Variants in TEK observed in about 807,000 individuals in gnomAD.
TEK encodes angiopoietin-1 receptor.
Under a neutral mutation model 131.8 loss-of-function variants are expected in TEK, and 43 were observed. The ratio of observed to expected loss-of-function variants is 0.33; its 90% CI spans 0.26 to 0.42. The LOEUF is 0.42. Ranked by LOEUF, TEK falls within the 10% of genes least tolerant of loss-of-function variation. The pLI is 1.00. For missense variants in TEK, 1,162 were observed against 1,384.4 expected (o/e 0.84, Z 2.55); for synonymous variants, 580 against 491.6 (o/e 1.18, Z -2.38).
intron 1 of TEK, among the ~76,000 whole-genome samples, chr9:27,130,005 A>G (rs985818167): frequency 6.6e-6 from 1 of 152,250 alleles, no homozygotes. Context: ...ATTGCCTTCT[A>G]ATAACTCTTA....
rs569473644 is a variant in TEK, at chr9:27,115,488, G to C, written c.52+5846G>C. On this transcript the variant is annotated intron_variant, in intron 1 of 22. Transcript: ENST00000380036. ...CCCTCCAGCCTAGGCAACAGAGCGA[G>C]ACATTGTCTCAAAAAAAACAACAAA... 2.4e-4 allele frequency among the ~76,000 whole-genome samples: 36 copies of C among 151,784 alleles called. 1 individual carries two copies. In the East Asian group the frequency reaches 6.6e-3, roughly 28 times the overall value.
chr9:27,171,913 G>C (rs1167367644), intron 4 of TEK, among the ~76,000 whole-genome samples: 1 of 152,112 alleles, frequency 6.6e-6, no homozygotes, highest in Non-Finnish European at 1.5e-5. Flanking sequence ...AGTTTCTCTG[G>C]AGTCTGATAT....
intron 12 of TEK, among the ~76,000 whole-genome samples, chr9:27,202,290 G>A (rs1442982796): frequency 1.3e-5 from 2 of 152,070 alleles, no homozygotes. Context: ...TAAATTGAGG[G>A]CAAGGACTGA....
At chr9:27,227,426 T>C (rs1001224437) in intron 21 of TEK, among the ~76,000 whole-genome samples, 6 of 152,204 alleles carry the variant, frequency 3.9e-5, no homozygotes, top group Admixed American at 2.0e-4. Context: ...CCTGTTGTCT[T>C]AGTCATTTCC....
At chr9:27,174,041 T>A (rs886935473) in intron 6 of TEK, among the ~76,000 whole-genome samples, 3 of 152,168 alleles carry the variant, frequency 2.0e-5, no homozygotes, top group Non-Finnish European at 4.4e-5. Flanking sequence ...CAAGTAGTAC[T>A]AACATCATCT....
intron 9 of TEK, 75 bp downstream of exon 9, chr9:27,185,704 A>G: frequency 6.3e-7 from 1 of 1,584,204 alleles, no homozygotes; most frequent in East Asian, 2.3e-5. Flanking sequence ...CTAGACAGAA[A>G]TGTATGCGAC....
At chr9:27,171,918 T>G (rs1426110623) in intron 4 of TEK, among the ~76,000 whole-genome samples, 1 of 152,162 alleles carries the variant, frequency 6.6e-6, no homozygotes, top group African/African-American at 2.4e-5. Flanking sequence ...CTCTGGAGTC[T>G]GATATAACAC....
intron 16 of TEK, among the ~76,000 whole-genome samples, chr9:27,211,175 ATATATATATGAATATATG>A (rs919791165): frequency 2.3e-5 from 2 of 88,698 alleles, no homozygotes; most frequent in Non-Finnish European, 5.4e-5. Context: ...GTATGTGTAT[ATATATATATGAATATATG>A]TATATATATG....
At chr9:27,147,959 A>G (rs1822986347) in intron 1 of TEK, among the ~76,000 whole-genome samples, 1 of 152,224 alleles carries the variant, frequency 6.6e-6, no homozygotes, top group African/African-American at 2.4e-5. Context: ...CTGTGTAACA[A>G]TCACCAAGTA....
At chr9:27,167,728 T>C (rs1196822337) in intron 2 of TEK, among the ~76,000 whole-genome samples, 1 of 152,194 alleles carries the variant, frequency 6.6e-6, no homozygotes, top group Non-Finnish European at 1.5e-5. Flanking sequence ...GCTCATTTTA[T>C]TTGAGCAACG....
intron 9 of TEK, among the ~76,000 whole-genome samples, chr9:27,189,949 C>T (rs912505861): frequency 6.6e-5 from 10 of 152,028 alleles, no homozygotes; most frequent in Non-Finnish European, 1.5e-4. Context: ...GAGTAATAAC[C>T]CCTAAAAATC....
intron 12 of TEK, chr9:27,198,393 T>G (rs887471553): frequency 2.0e-5 from 3 of 152,162 alleles, no homozygotes; most frequent in Admixed American, 1.3e-4. Flanking sequence ...CCTCCCAGAG[T>G]CTGAGGCTGT....
At chr9:27,153,280 CTACTAAAAA>C (rs1823199759) in intron 1 of TEK, among the ~76,000 whole-genome samples, 1 of 148,850 alleles carries the variant, frequency 6.7e-6, no homozygotes, top group Non-Finnish European at 1.5e-5. Flanking sequence ...AACCCCGCCT[CTACTAAAAA>C]TAGAAAAAAA....
chr9:27,145,841 A>T (rs780060943), intron 1 of TEK, among the ~76,000 whole-genome samples: 1 of 152,238 alleles, frequency 6.6e-6, no homozygotes, highest in Non-Finnish European at 1.5e-5. Flanking sequence ...AATTAGAACA[A>T]TGTCATTAGA....
chr9:27,137,932 G>C (rs1014950162), intron 1 of TEK, among the ~76,000 whole-genome samples: 2 of 152,178 alleles, frequency 1.3e-5, no homozygotes, highest in Non-Finnish European at 2.9e-5. Flanking sequence ...GGTGTGTCCA[G>C]AGTTTGTTCC....
chr9:27,205,155 TATAAA>T lies in TEK; in HGVS notation c.2364+91_2364+95del. The T allele has an allele frequency of 5.9e-6, 9 of 1,516,638 alleles. No individual in the cohort carries two copies. In the South Asian group the frequency reaches 1.0e-4, roughly 17 times the overall value. The allele number at this position is 1,516,638 out of a possible 1,614,324, so 93.9% of individuals were successfully genotyped here. A position where few individuals can be genotyped will look rare whatever the true frequency, so the allele number is the denominator to read the frequency against. Reference sequence around the variant, plus strand: ...AAAGATATGGACCAGGAAATTTACTTATAAAGTAAATATTTCCCTTAGGCAAGCCT... The same window carrying T: ...AAAGATATGGACCAGGAAATTTACTTGTAAATATTTCCCTTAGGCAAGCCT... On this transcript the variant is annotated intron_variant, in intron 14 of 22. Transcript: ENST00000380036.
At chr9:27,183,039 T>C (rs1343820362) in intron 7 of TEK, among the ~76,000 whole-genome samples, 4 of 152,376 alleles carry the variant, frequency 2.6e-5, no homozygotes, top group Middle Eastern at 3.4e-3. Flanking sequence ...TGGGGTTATT[T>C]GATGAGTGGA....
intron 1 of TEK, among the ~76,000 whole-genome samples, chr9:27,142,756 G>A (rs1255012767): frequency 6.6e-6 from 1 of 152,162 alleles, no homozygotes; most frequent in Non-Finnish European, 1.5e-5. Flanking sequence ...TCACTGTTCC[G>A]GATGTTTTAC....
chr9:27,185,839 C>A (rs1422608535), intron 9 of TEK, among the ~76,000 whole-genome samples: 1 of 152,118 alleles, frequency 6.6e-6, no homozygotes, highest in East Asian at 1.9e-4. Flanking sequence ...TTGATTTTGT[C>A]CCTAACAGCT....
Sources: allele counts gnomAD v4.1 joint callset (sites outside exome capture counted in the v4.1 genomes callset), GRCh38; gene constraint gnomAD v4.1.1; transcripts MANE v1.5; gene names NCBI Gene and HGNC (gene_info 2026-07-23, HGNC 2026-07-21).